THSD4: variants seen among roughly 807,000 people sequenced by gnomAD.
The protein encoded by THSD4 is thrombospondin type-1 domain-containing protein 4.
Under a neutral mutation model 119.0 loss-of-function variants are expected in THSD4, and 69 were observed. That is an observed-to-expected ratio of 0.58 (90% CI 0.48 to 0.71). The LOEUF (loss-of-function observed/expected upper bound fraction) is 0.71, where lower values mean the gene tolerates loss of function less well. THSD4 is among the 30% of genes least tolerant of loss of function. The pLI, the probability that THSD4 is intolerant of heterozygous loss-of-function variation, is 0.00. For synonymous variants in THSD4, 524 were observed against 540.4 expected, an observed-to-expected ratio of 0.97 and a Z score of 0.42; for missense variants, 1,393 against 1,391.1, an observed-to-expected ratio of 1.00 and a Z score of -0.02.
chr15:71,105,343 T>C (rs2040269994), intron 1 of THSD4, among the ~76,000 whole-genome samples: 1 of 152,224 alleles, frequency 6.6e-6, no homozygotes, highest in Non-Finnish European at 1.5e-5. Flanking sequence ...AGGTGAGGTC[T>C]AGAAGGGTCC....
intron 3 of THSD4, among the ~76,000 whole-genome samples, chr15:71,189,418 C>T (rs1484526739): frequency 6.6e-6 from 1 of 152,190 alleles, no homozygotes; most frequent in East Asian, 1.9e-4. Context: ...CGCCTGTAAT[C>T]CCAGCACTTT....
chr15:71,719,076 T>C (rs1376035041), intron 8 of THSD4, among the ~76,000 whole-genome samples: 1 of 152,256 alleles, frequency 6.6e-6, no homozygotes, highest in Non-Finnish European at 1.5e-5. Flanking sequence ...ACAAACTTTC[T>C]TTAAAGTTAG....
intron 6 of THSD4, among the ~76,000 whole-genome samples, chr15:71,396,380 G>A (rs533022333): frequency 2.6e-4 from 39 of 152,116 alleles, no homozygotes; most frequent in Non-Finnish European, 4.4e-4. Flanking sequence ...AAGTCAAGCC[G>A]TCCTCCCCTG....
At chr15:71,439,611 C>T (rs2047062598) in intron 7 of THSD4, among the ~76,000 whole-genome samples, 1 of 152,170 alleles carries the variant, frequency 6.6e-6, no homozygotes, top group African/African-American at 2.4e-5. Flanking sequence ...TTGGAACCAA[C>T]CCAAATGTCC....
chr15:71,701,911 A>T (rs1420370989), intron 8 of THSD4, among the ~76,000 whole-genome samples: 1 of 152,084 alleles, frequency 6.6e-6, no homozygotes, highest in Non-Finnish European at 1.5e-5. Context: ...TCTGTGATTT[A>T]AAAAAAATTA....
chr15:71,738,148 G>A (rs1314283143), intron 11 of THSD4, 141 bp downstream of exon 11: 1 of 1,188,152 alleles, frequency 8.4e-7, no homozygotes, highest in Non-Finnish European at 1.2e-6. Context: ...ATGGTGGCGG[G>A]GTTGGGGGAT....
At chr15:71,309,199 C>G (rs891092115) in intron 6 of THSD4, among the ~76,000 whole-genome samples, 1 of 152,198 alleles carries the variant, frequency 6.6e-6, no homozygotes, top group African/African-American at 2.4e-5. Flanking sequence ...ATCCGCCTGT[C>G]TCAGCCTCCC....
intron 3 of THSD4, among the ~76,000 whole-genome samples, chr15:71,210,154 C>G (rs2043877499): frequency 6.6e-6 from 1 of 152,154 alleles, no homozygotes; most frequent in Non-Finnish European, 1.5e-5. Context: ...TAAGGTCACT[C>G]TAATCGTTGC....
chr15:71,660,450 T>C (rs1045940445), intron 7 of THSD4, 80 bp from the exon 8 acceptor site: 73 of 1,554,290 alleles, frequency 4.7e-5, no homozygotes, highest in Middle Eastern at 3.8e-4. Context: ...AGAAATTTCT[T>C]GCCCAGGGAT....
At chr15:71,442,612 GTGTGTGTA>G (rs1206938781) in intron 7 of THSD4, among the ~76,000 whole-genome samples, 1 of 70,856 alleles carries the variant, frequency 1.4e-5, no homozygotes, top group African/African-American at 5.0e-5. Context: ...GTGTGTGTGT[GTGTGTGTA>G]TATATATATG....
intron 4 of THSD4, among the ~76,000 whole-genome samples, chr15:71,230,511 G>C (rs1260317524): frequency 6.6e-6 from 1 of 152,232 alleles, no homozygotes; most frequent in Non-Finnish European, 1.5e-5. Flanking sequence ...TGTGCTAGGC[G>C]CTTTCCCTGA....
intron 7 of THSD4, among the ~76,000 whole-genome samples, chr15:71,590,542 G>A (rs1313215461): frequency 8.4e-6 from 1 of 119,066 alleles, no homozygotes; most frequent in African/African-American, 2.8e-5. Flanking sequence ...GGAACAACTG[G>A]GGCCTGTCAG....
At position 71,698,647 on chromosome 15, in the gene THSD4, A is replaced by T. The variant is rs1407353890; in HGVS notation, c.1358-29902A>T. Among the ~76,000 whole-genome samples, 368 of 134,256 alleles carry T rather than the reference A, an allele frequency of 2.7e-3. 2 individuals are homozygous for T. Among genetic ancestry groups the T allele is most frequent in the African/African-American group, 9.9e-3 (335 of 33,722 alleles). 88.1% of individuals were successfully genotyped at this position (134,256 alleles called of 152,430 possible). On this transcript the variant is annotated intron_variant, in intron 8 of 17. Transcript: ENST00000261862. ...GAAATATATACATGCATGTATATAT[A>T]CATGAAATATATACATGCATGTATA...
chr15:71,170,082 G>A (rs771947956), intron 3 of THSD4, among the ~76,000 whole-genome samples: 1 of 152,192 alleles, frequency 6.6e-6, no homozygotes, highest in Non-Finnish European at 1.5e-5. Context: ...GCTGAAGCGG[G>A]AGAATCTCTT....
intron 7 of THSD4, among the ~76,000 whole-genome samples, chr15:71,548,203 G>T (rs986428232): frequency 6.6e-6 from 1 of 151,632 alleles, no homozygotes; most frequent in African/African-American, 2.4e-5. Context: ...AAGCACCTTG[G>T]TGTATCCACC....
At chr15:71,522,036 T>C (rs72735358) in intron 7 of THSD4, among the ~76,000 whole-genome samples, 17,310 of 152,236 alleles carry the variant, frequency 0.11, 1,539 homozygotes, top group East Asian at 0.45. Flanking sequence ...ATATAAAATA[T>C]TCATCATCAG....
intron 14 of THSD4, among the ~76,000 whole-genome samples, chr15:71,751,307 A>T (rs565781731): frequency 6.6e-6 from 1 of 152,322 alleles, no homozygotes; most frequent in South Asian, 2.1e-4. Context: ...TTTCTTAAAA[A>T]TGTTGGCTTT....
At chr15:71,535,313 G>T (rs1263466465) in intron 7 of THSD4, among the ~76,000 whole-genome samples, 1 of 152,086 alleles carries the variant, frequency 6.6e-6, no homozygotes, top group Admixed American at 6.6e-5. Flanking sequence ...TCGATACTTC[G>T]TTGCTTTGTA....
intron 7 of THSD4, among the ~76,000 whole-genome samples, chr15:71,629,393 C>T (rs1351645346): frequency 6.6e-6 from 1 of 152,132 alleles, no homozygotes; most frequent in Non-Finnish European, 1.5e-5. Flanking sequence ...TGTTGAGAGA[C>T]CTGGCAGTGT....
Sources: gnomAD v4.1 joint callset for allele counts (sites outside exome capture counted in the v4.1 genomes callset) on GRCh38, gnomAD v4.1.1 for gene constraint, MANE v1.5 for transcripts, NCBI Gene and HGNC (gene_info 2026-07-23, HGNC 2026-07-21) for gene names.